The following LRRC37A2 variants were observed in gnomAD, a reference collection of about 807,000 sequenced individuals.
LRRC37A2 encodes leucine-rich repeat-containing protein 37A2.
Under a neutral mutation model 68.8 loss-of-function variants are expected in LRRC37A2, and 9 were observed. The observed-to-expected ratio is 0.13, with a 90% CI of 0.08 to 0.23. LRRC37A2 has a LOEUF of 0.23. Among genes scored for constraint, LRRC37A2 ranks in the 10% least tolerant of loss-of-function variants. The probability of loss-of-function intolerance (pLI) is 1.00; values close to 1 mark genes in which losing one functional copy is unlikely to be tolerated. For missense variants in LRRC37A2, 168 were observed against 950.4 expected (o/e 0.18, Z 10.82); for synonymous variants, 63 against 367.6 (o/e 0.17, Z 9.48).
At chr17:46,460,800 G>C in the LRRC37A2 span, among the ~76,000 whole-genome samples, 2 of 100,604 alleles carry the variant, frequency 2.0e-5, 1 homozygote, top group Non-Finnish European at 4.4e-5. Context: ...GAGAGTAAGA[G>C]AGAGAGAGAG....
At chr17:46,992,858 A>C in the LRRC37A2 span, among the ~76,000 whole-genome samples, 1 of 149,822 alleles carries the variant, frequency 6.7e-6, no homozygotes. Flanking sequence ...CATCTCAAAA[A>C]AAAAAAAAAA....
chr17:46,995,764 T>A, the LRRC37A2 span, among the ~76,000 whole-genome samples: 1 of 152,228 alleles, frequency 6.6e-6, no homozygotes, highest in Non-Finnish European at 1.5e-5. Flanking sequence ...TCAAACTTGT[T>A]TGAGCCAGTG....
the LRRC37A2 span, among the ~76,000 whole-genome samples, chr17:46,866,509 C>T: frequency 2.0e-5 from 3 of 151,662 alleles, no homozygotes; most frequent in African/African-American, 7.3e-5. Flanking sequence ...TCAGTGAGGG[C>T]CAGGAGAGGT....
the LRRC37A2 span, among the ~76,000 whole-genome samples, chr17:46,878,909 T>C: frequency 2.8e-4 from 43 of 152,176 alleles, no homozygotes; most frequent in Admixed American, 5.9e-4. Context: ...CCTTGGCTTG[T>C]GGGGTCTTCT....
At chr17:46,724,865 C>T in the LRRC37A2 span, among the ~76,000 whole-genome samples, 1 of 152,120 alleles carries the variant, frequency 6.6e-6, no homozygotes, top group Non-Finnish European at 1.5e-5. Context: ...AGATGGCTTC[C>T]TCTGTCATGG....
chr17:46,583,994 T>TATATATAA, the LRRC37A2 span, among the ~76,000 whole-genome samples: 3 of 12,726 alleles, frequency 2.4e-4, no homozygotes, highest in East Asian at 6.3e-4. Flanking sequence ...TATATATATA[T>TATATATAA]AATATATATT....
At chr17:47,041,450 CTCT>C in the LRRC37A2 span, among the ~76,000 whole-genome samples, 1 of 69,586 alleles carries the variant, frequency 1.4e-5, no homozygotes, top group Admixed American at 1.4e-4. Context: ...TTTTGGATGT[CTCT>C]TTTTTTTTTT....
the LRRC37A2 span, among the ~76,000 whole-genome samples, chr17:46,782,614 G>A: frequency 6.6e-6 from 1 of 152,262 alleles, no homozygotes; most frequent in African/African-American, 2.4e-5. Context: ...ATTGGCAGAT[G>A]TCAGGACAGG....
chr17:46,804,625 G>A, the LRRC37A2 span, among the ~76,000 whole-genome samples: 3 of 152,236 alleles, frequency 2.0e-5, no homozygotes, highest in Non-Finnish European at 4.4e-5. Flanking sequence ...AGAAGAGGAA[G>A]AACAAGTAGT....
chr17:46,791,416 A>C, the LRRC37A2 span, among the ~76,000 whole-genome samples: 2 of 152,138 alleles, frequency 1.3e-5, no homozygotes, highest in Non-Finnish European at 2.9e-5. Flanking sequence ...CATGTTGGCC[A>C]GGCTGGTCTC....
At chr17:46,529,960 A>C (rs1313985400) in intron 6 of LRRC37A2, among the ~76,000 whole-genome samples, 1 of 137,188 alleles carries the variant, frequency 7.3e-6, no homozygotes, top group Admixed American at 7.6e-5. Context: ...TGAGCTATCA[A>C]GAAAGAGGGA....
the LRRC37A2 span, among the ~76,000 whole-genome samples, chr17:46,679,123 T>C: frequency 2.0e-5 from 3 of 151,952 alleles, no homozygotes; most frequent in African/African-American, 7.3e-5. Context: ...TAAAGGAAAA[T>C]GAATTATTAC....
At chr17:46,772,326 G>T in the LRRC37A2 span, among the ~76,000 whole-genome samples, 1 of 152,236 alleles carries the variant, frequency 6.6e-6, no homozygotes, top group Non-Finnish European at 1.5e-5. Context: ...CTACGGTGGT[G>T]ACTTAAAACG....
chr17:46,915,210 A>G, the LRRC37A2 span, among the ~76,000 whole-genome samples: 1 of 152,340 alleles, frequency 6.6e-6, no homozygotes, highest in Non-Finnish European at 1.5e-5. Flanking sequence ...AGAGGGTACG[A>G]TATGGCTTTG....
the LRRC37A2 span, among the ~76,000 whole-genome samples, chr17:46,989,994 G>A: frequency 1.1e-4 from 17 of 152,190 alleles, no homozygotes; most frequent in South Asian, 4.1e-4. Context: ...AAGCCATTCC[G>A]TTTTGGGGTT....
At chr17:46,955,127 A>G in the LRRC37A2 span, among the ~76,000 whole-genome samples, 1 of 152,110 alleles carries the variant, frequency 6.6e-6, no homozygotes, top group Non-Finnish European at 1.5e-5. Context: ...GTTTTTGTCC[A>G]TTCAGTATGA....
the LRRC37A2 span, among the ~76,000 whole-genome samples, chr17:46,751,780 T>C: frequency 6.6e-6 from 1 of 152,226 alleles, no homozygotes; most frequent in South Asian, 2.1e-4. Flanking sequence ...CTGAGATTGA[T>C]CACTTAACAA....
chr17:47,048,646 G>T, the LRRC37A2 span, among the ~76,000 whole-genome samples: 1 of 60,700 alleles, frequency 1.6e-5, no homozygotes, highest in Admixed American at 2.1e-4. Flanking sequence ...AGAATGGGGA[G>T]GGTGGAGCGC....
the LRRC37A2 span, among the ~76,000 whole-genome samples, chr17:46,988,476 A>G: frequency 2.0e-4 from 31 of 152,324 alleles, no homozygotes; most frequent in East Asian, 5.8e-3. Flanking sequence ...ATTTTATGTT[A>G]TGTGTATTTC....
Sources: gnomAD v4.1 joint callset for allele counts (sites outside exome capture counted in the v4.1 genomes callset) on GRCh38, gnomAD v4.1.1 for gene constraint, MANE v1.5 for transcripts, NCBI Gene and HGNC (gene_info 2026-07-23, HGNC 2026-07-21) for gene names.